Variants in PDE10A observed in about 807,000 individuals in gnomAD.
PDE10A encodes the protein cAMP and cAMP-inhibited cGMP 3',5'-cyclic phosphodiesterase 10A.
A neutral mutation model predicts 97.7 loss-of-function variants in PDE10A; 39 were observed. That is an observed-to-expected ratio of 0.40 (90% CI 0.31 to 0.52). PDE10A has a LOEUF of 0.52. Ranked by LOEUF, PDE10A falls within the 20% of genes least tolerant of loss-of-function variation. The pLI is 0.56. For synonymous variants in PDE10A, 371 were observed against 376.8 expected (o/e 0.98, Z 0.18); for missense variants, 731 against 1,047.8 (o/e 0.70, Z 4.17).
At chr6:165,877,740 A>T (rs1781381744) in intron 1 of PDE10A, among the ~76,000 whole-genome samples, 1 of 152,184 alleles carries the variant, frequency 6.6e-6, no homozygotes, top group Non-Finnish European at 1.5e-5. Context: ...AAAAACTGTA[A>T]CAAAATTAAA....
chr6:165,822,275 C>T lies in PDE10A; in HGVS notation c.-615+165254G>A, dbSNP rs185290800. 4.3e-3 allele frequency among the ~76,000 whole-genome samples: 627 copies of T among 146,060 alleles called. 6 individuals are homozygous for T. In the East Asian group the frequency reaches 0.059, roughly 14 times the overall value. ...CACCTGGATGGCACAGTCCACCACA[C>T]ACCTGGGCTGGATGGCACAGCCCAA... On this transcript the variant is annotated intron_variant, in intron 1 of 19. Coordinates refer to the PDE10A transcript ENST00000366882.
intron 1 of PDE10A, among the ~76,000 whole-genome samples, chr6:165,945,901 A>T (rs1220469151): frequency 6.6e-6 from 1 of 152,234 alleles, no homozygotes; most frequent in Non-Finnish European, 1.5e-5. Flanking sequence ...AATGTGTGTG[A>T]TTGCACTTTA....
At chr6:165,864,340 G>T (rs922435891) in intron 1 of PDE10A, among the ~76,000 whole-genome samples, 1 of 152,126 alleles carries the variant, frequency 6.6e-6, no homozygotes, top group Admixed American at 6.5e-5. Flanking sequence ...AGAAGACAAG[G>T]TTCTAAAGGA....
At chr6:165,434,443 C>T (rs1789846413) in intron 6 of PDE10A, among the ~76,000 whole-genome samples, 2 of 152,164 alleles carry the variant, frequency 1.3e-5, no homozygotes, top group African/African-American at 2.4e-5. Flanking sequence ...AGTCTATATT[C>T]CATGTCATAA....
intron 18 of PDE10A, among the ~76,000 whole-genome samples, chr6:165,376,465 G>A (rs1784609105): frequency 6.6e-6 from 1 of 152,226 alleles, no homozygotes; most frequent in South Asian, 2.1e-4. Context: ...GTTTGACAAA[G>A]CAGGGGCAGG....
intron 1 of PDE10A, among the ~76,000 whole-genome samples, chr6:165,892,487 A>G (rs1781831734): frequency 6.6e-6 from 1 of 152,198 alleles, no homozygotes; most frequent in Admixed American, 6.5e-5. Flanking sequence ...GAGCCCTGTG[A>G]CTGTCCGTCC....
intron 13 of PDE10A, among the ~76,000 whole-genome samples, chr6:165,402,974 A>G (rs1267997907): frequency 1.3e-5 from 2 of 152,178 alleles, no homozygotes; most frequent in African/African-American, 4.8e-5. Flanking sequence ...TTAGAAATCT[A>G]AACTCTGGAA....
intron 1 of PDE10A, among the ~76,000 whole-genome samples, chr6:165,743,152 C>G (rs951104101): frequency 2.0e-5 from 3 of 152,158 alleles, no homozygotes; most frequent in Admixed American, 1.3e-4. Flanking sequence ...GTGCTAATTA[C>G]TATCCTAGGC....
intron 1 of PDE10A, among the ~76,000 whole-genome samples, chr6:165,614,338 T>A (rs1787629008): frequency 6.6e-6 from 1 of 152,088 alleles, no homozygotes; most frequent in South Asian, 2.1e-4. Flanking sequence ...TCATAAAACC[T>A]CCAAAAATCT....
intron 18 of PDE10A, among the ~76,000 whole-genome samples, chr6:165,363,343 C>T (rs930537798): frequency 2.0e-5 from 3 of 150,658 alleles, no homozygotes; most frequent in Non-Finnish European, 4.5e-5. Context: ...GGTGAAACCC[C>T]GTCTCTACTA....
At chr6:165,763,741 A>T (rs1199653701) in intron 1 of PDE10A, among the ~76,000 whole-genome samples, 1 of 152,206 alleles carries the variant, frequency 6.6e-6, no homozygotes, top group Non-Finnish European at 1.5e-5. Context: ...GCAGCTTTGT[A>T]TTAGATACAA....
chr6:165,738,151 A>G (rs916872797), intron 1 of PDE10A, among the ~76,000 whole-genome samples: 3 of 131,732 alleles, frequency 2.3e-5, no homozygotes, highest in African/African-American at 5.6e-5. Flanking sequence ...TCCCAGTGCT[A>G]TCCCTCCCCC....
At chr6:165,765,391 G>T (rs1777809501) in intron 1 of PDE10A, among the ~76,000 whole-genome samples, 1 of 152,260 alleles carries the variant, frequency 6.6e-6, no homozygotes, top group African/African-American at 2.4e-5. Context: ...GGCGGGGGAA[G>T]GCTCAGGCAT....
intron 2 of PDE10A, among the ~76,000 whole-genome samples, chr6:165,514,767 T>C (rs1370081573): frequency 3.9e-5 from 6 of 152,056 alleles, no homozygotes; most frequent in Non-Finnish European, 8.8e-5. Context: ...AGTCAGGGGG[T>C]ACCGGAAGTA....
At position 165,936,390 on chromosome 6, in the gene PDE10A, T is replaced by A. The variant is rs994690013; in HGVS notation, c.-615+51139A>T. Among the ~76,000 whole-genome samples, 11 of 152,164 alleles carry A rather than the reference T, an allele frequency of 7.2e-5. No individual in the cohort carries two copies. The South Asian group carries it at 2.3e-3, about 32-fold the overall frequency. The stretch of plus-strand genomic sequence containing the variant: ...TAAGATCGGCAGAAATAAAGTAAGA[T>A]AATGAATGCAGAGAGAGAGAAAGAC... On this transcript the variant is annotated intron_variant, in intron 1 of 19. Coordinates refer to the PDE10A transcript ENST00000366882.
intron 2 of PDE10A, among the ~76,000 whole-genome samples, chr6:165,483,383 C>A (rs928980449): frequency 6.6e-6 from 1 of 152,198 alleles, no homozygotes; most frequent in Non-Finnish European, 1.5e-5. Flanking sequence ...ATTTTCTTAT[C>A]ATTGTTGCAT....
intron 3 of PDE10A, among the ~76,000 whole-genome samples, chr6:165,451,859 A>T (rs1791318652): frequency 6.6e-6 from 1 of 152,198 alleles, no homozygotes; most frequent in African/African-American, 2.4e-5. Flanking sequence ...ATACGTAAAT[A>T]AGGCAGGTTT....
At chr6:165,456,096 A>G (rs548444527) in intron 3 of PDE10A, among the ~76,000 whole-genome samples, 1 of 152,212 alleles carries the variant, frequency 6.6e-6, no homozygotes, top group South Asian at 2.1e-4. Flanking sequence ...CAGATAAAAT[A>G]TGCTACTCTA....
intron 19 of PDE10A, among the ~76,000 whole-genome samples, chr6:165,342,300 C>T (rs975884457): frequency 6.6e-6 from 1 of 152,140 alleles, no homozygotes; most frequent in Non-Finnish European, 1.5e-5. Flanking sequence ...AGTTCAAACC[C>T]GTGTTGTTCA....
Sources: gnomAD v4.1 joint callset for allele counts (sites outside exome capture counted in the v4.1 genomes callset) on GRCh38, gnomAD v4.1.1 for gene constraint, MANE v1.5 for transcripts, NCBI Gene and HGNC (gene_info 2026-07-23, HGNC 2026-07-21) for gene names.